Variants in NTRK2 observed in about 807,000 individuals in gnomAD.
The protein encoded by NTRK2 is BDNF/NT-3 growth factors receptor.
Under a neutral mutation model 94.5 loss-of-function variants are expected in NTRK2, and 13 were observed. The ratio of observed to expected loss-of-function variants is 0.14; its 90% CI spans 0.09 to 0.22. The LOEUF (loss-of-function observed/expected upper bound fraction) is 0.22, where lower values mean the gene tolerates loss of function less well. Ranked by LOEUF, NTRK2 falls within the 10% of genes least tolerant of loss-of-function variation. NTRK2 has a pLI of 1.00. For missense variants in NTRK2, 639 were observed against 1,071.2 expected, an observed-to-expected ratio of 0.60 and a Z score of 5.63; for synonymous variants, 372 against 407.4, an observed-to-expected ratio of 0.91 and a Z score of 1.05.
chr9:84,771,269 G>A (rs1433505527), intron 12 of NTRK2, among the ~76,000 whole-genome samples: 1 of 152,148 alleles, frequency 6.6e-6, no homozygotes, highest in Non-Finnish European at 1.5e-5. Flanking sequence ...CTCCCTTTGA[G>A]GTGGTCACGC....
chr9:84,772,022 GTTC>G (rs1214598300), intron 12 of NTRK2, among the ~76,000 whole-genome samples: 2 of 152,128 alleles, frequency 1.3e-5, no homozygotes, highest in Non-Finnish European at 2.9e-5. Context: ...GCTTTCCTAT[GTTC>G]TTCTTCTGTG....
At chr9:84,721,975 C>T (rs1423797698) in intron 6 of NTRK2, among the ~76,000 whole-genome samples, 1 of 152,052 alleles carries the variant, frequency 6.6e-6, no homozygotes, top group Non-Finnish European at 1.5e-5. Context: ...CCTTGACATG[C>T]TCTGTAATAA....
At chr9:85,012,080 C>T (rs1031957602) in intron 17 of NTRK2, among the ~76,000 whole-genome samples, 21 of 151,712 alleles carry the variant, frequency 1.4e-4, no homozygotes, top group African/African-American at 5.1e-4. Context: ...CCTCCGCCTC[C>T]CAGGTTCAAG....
intron 5 of NTRK2, 88 bp from the exon 6 acceptor site, chr9:84,710,549 A>T: frequency 1.4e-6 from 2 of 1,388,248 alleles, no homozygotes; most frequent in South Asian, 2.4e-5. Flanking sequence ...GGCTAGAAAG[A>T]ATTCATAATG....
chr9:84,726,370 C>T (rs962573417), intron 8 of NTRK2, among the ~76,000 whole-genome samples: 1 of 152,128 alleles, frequency 6.6e-6, no homozygotes, highest in Non-Finnish European at 1.5e-5. Flanking sequence ...GCCTGTAATC[C>T]AAGCTACTCG....
At chr9:84,984,587 C>T (rs901165710) in intron 17 of NTRK2, among the ~76,000 whole-genome samples, 2 of 152,186 alleles carry the variant, frequency 1.3e-5, no homozygotes. Context: ...ACAAGTCTCT[C>T]GAATCCTCAG....
chr9:85,009,963 C>G (rs890896680), intron 17 of NTRK2, among the ~76,000 whole-genome samples: 15 of 152,154 alleles, frequency 9.9e-5, no homozygotes, highest in Admixed American at 9.8e-4. Flanking sequence ...GTATTAAGTC[C>G]TCATCTCAGG....
At chr9:84,819,173 TTG>T in intron 12 of NTRK2, among the ~76,000 whole-genome samples, 1 of 152,350 alleles carries the variant, frequency 6.6e-6, no homozygotes, top group Middle Eastern at 3.4e-3. Context: ...GAAACCTCTT[TTG>T]TGTTTATTAA....
intron 12 of NTRK2, among the ~76,000 whole-genome samples, chr9:84,840,520 C>G (rs1205557801): frequency 6.6e-6 from 1 of 152,006 alleles, no homozygotes; most frequent in Non-Finnish European, 1.5e-5. Context: ...GGACTCTGAC[C>G]TCTTTTGCCT....
At position 84,871,811 on chromosome 9, in the gene NTRK2, C is replaced by T. The variant is rs200409673; in HGVS notation, c.1633+4380C>T. 24 of 1,613,554 alleles carry T rather than the reference C, an allele frequency of 1.5e-5. No homozygotes were observed. The highest frequency in any genetic ancestry group is 1.7e-5 in the Non-Finnish European group (20 of 1,179,724). ...CAGGGCCCAGAGGTTCCCCCAAGAC[C>T]GCCTGATAATAATTTGGTATTTGGA... On this transcript the variant is annotated intron_variant, in intron 14 of 18. Transcript: ENST00000277120.
intron 17 of NTRK2, among the ~76,000 whole-genome samples, chr9:84,996,285 G>A (rs1245825052): frequency 2.0e-5 from 3 of 152,218 alleles, no homozygotes; most frequent in South Asian, 2.1e-4. Flanking sequence ...ACGTTGCTAT[G>A]ATAAGACTTG....
intron 12 of NTRK2, among the ~76,000 whole-genome samples, chr9:84,765,112 C>T (rs571177118): frequency 1.7e-4 from 26 of 152,194 alleles, no homozygotes; most frequent in African/African-American, 6.3e-4. Flanking sequence ...ACAAAAACAC[C>T]AGAAAGAATG....
chr9:84,698,118 A>T (rs958022862), intron 2 of NTRK2, among the ~76,000 whole-genome samples: 8 of 152,030 alleles, frequency 5.3e-5, no homozygotes, highest in Non-Finnish European at 1.0e-4. Flanking sequence ...TAAATGGTAT[A>T]AATAGTTTCT....
In NTRK2 at chr9:84,675,324, C is replaced by CTTTTTTTT. The variant is rs536445167; in HGVS notation, c.212+4384_212+4391dup. 3.3e-4 allele frequency among the ~76,000 whole-genome samples: 22 copies of CTTTTTTTT among 67,322 alleles called. 1 individual carries two copies. The highest frequency in any genetic ancestry group is 5.3e-4 in the East Asian group (1 of 1,888). 44.2% of individuals were successfully genotyped at this position (67,322 alleles called of 152,430 possible). A position where few individuals can be genotyped will look rare whatever the true frequency, so the allele number is the denominator to read the frequency against. ...CTCTTCTCCTTTCTTTCTTTCTTTC[C>CTTTTTTTT]TTTTTTTTTTTTTTTTTTTTTTTTT... is the stretch of plus-strand genomic sequence containing the variant. On this transcript the variant is annotated intron_variant, in intron 2 of 18. Coordinates refer to ENST00000277120, the MANE Select transcript of NTRK2 (RefSeq NM_006180.6).
At chr9:84,753,533 TGCCAG>T (rs1240044815) in intron 12 of NTRK2, among the ~76,000 whole-genome samples, 19 of 152,174 alleles carry the variant, frequency 1.2e-4, no homozygotes, top group African/African-American at 4.6e-4. Context: ...AAACATGGGC[TGCCAG>T]GCCCCCTTCA....
chr9:84,774,146 AG>A (rs2066812569), intron 12 of NTRK2, among the ~76,000 whole-genome samples: 1 of 152,142 alleles, frequency 6.6e-6, no homozygotes, highest in South Asian at 2.1e-4. Flanking sequence ...TCATCTATTG[AG>A]ATGGCAAACA....
chr9:84,987,474 A>G (rs2133283389), intron 17 of NTRK2, among the ~76,000 whole-genome samples: 1 of 152,310 alleles, frequency 6.6e-6, no homozygotes, highest in South Asian at 2.1e-4. Context: ...TTAAAACTTC[A>G]TCCCTTACTT....
In NTRK2 at chr9:84,859,471, A is replaced by C. The variant is rs77820397; in HGVS notation, c.1397-1569A>C. ...TCAATTTCTAGAATTTATCTAAGGGAATTATTTTTAACAAGAGAAGGGGAG... is the reference window on the plus strand; with the variant it reads ...TCAATTTCTAGAATTTATCTAAGGGCATTATTTTTAACAAGAGAAGGGGAG... On this transcript the variant is annotated intron_variant, in intron 12 of 18. Coordinates refer to ENST00000277120, the MANE Select transcript of NTRK2 (RefSeq NM_006180.6). 4.6e-3 allele frequency among the ~76,000 whole-genome samples: 708 copies of C among 152,274 alleles called. 13 individuals carry two copies. Among genetic ancestry groups the C allele is most frequent in the Admixed American group, 0.038 (576 of 15,292 alleles).
chr9:84,954,176 T>G (rs1185390324), intron 16 of NTRK2, among the ~76,000 whole-genome samples: 2 of 152,236 alleles, frequency 1.3e-5, no homozygotes, highest in Non-Finnish European at 2.9e-5. Flanking sequence ...GAGAGAGATC[T>G]TTCCTTTCCC....
Sources: gnomAD v4.1 joint callset for allele counts (sites outside exome capture counted in the v4.1 genomes callset) on GRCh38, gnomAD v4.1.1 for gene constraint, MANE v1.5 for transcripts, NCBI Gene and HGNC (gene_info 2026-07-23, HGNC 2026-07-21) for gene names.